Variants in RBFOX1 observed in about 807,000 individuals in gnomAD.
The protein encoded by RBFOX1 is RNA binding fox-1 homolog 1, also known as RNA binding protein fox-1 homolog 1.
Under a neutral mutation model 57.7 loss-of-function variants are expected in RBFOX1, and 8 were observed. The ratio of observed to expected loss-of-function variants is 0.14; its 90% CI spans 0.08 to 0.25. The LOEUF (loss-of-function observed/expected upper bound fraction) is 0.25, where lower values mean the gene tolerates loss of function less well. Among genes scored for constraint, RBFOX1 ranks in the 10% least tolerant of loss-of-function variants. RBFOX1 has a pLI of 1.00. For missense variants in RBFOX1, 611 were observed against 548.5 expected (o/e 1.11, Z -1.14); for synonymous variants, 326 against 222.4 (o/e 1.47, Z -4.15).
At chr16:5,903,039 C>G (rs1331060069) in intron 4 of RBFOX1, among the ~76,000 whole-genome samples, 2 of 152,080 alleles carry the variant, frequency 1.3e-5, no homozygotes, top group East Asian at 3.9e-4. Context: ...GGTTAGGCTC[C>G]TAGCCTTTTC....
chr16:6,711,022 T>A (rs750408334), intron 3 of RBFOX1, among the ~76,000 whole-genome samples: 31 of 152,174 alleles, frequency 2.0e-4, no homozygotes, highest in Non-Finnish European at 4.1e-4. Context: ...GCAAGTGAAA[T>A]GATACAATCT....
chr16:5,496,215 C>G (rs974019149), intron 2 of RBFOX1, among the ~76,000 whole-genome samples: 1 of 152,182 alleles, frequency 6.6e-6, no homozygotes, highest in Non-Finnish European at 1.5e-5. Flanking sequence ...ACCTCCAATC[C>G]CTTTTCTTGA....
chr16:6,583,948 T>G (rs2097570885), intron 2 of RBFOX1, among the ~76,000 whole-genome samples: 1 of 151,950 alleles, frequency 6.6e-6, no homozygotes, highest in Non-Finnish European at 1.5e-5. Flanking sequence ...CACTCCAGTT[T>G]GGTAGTTGAG....
At chr16:6,565,184 A>G (rs1045514793) in intron 2 of RBFOX1, among the ~76,000 whole-genome samples, 2 of 151,754 alleles carry the variant, frequency 1.3e-5, no homozygotes, top group East Asian at 3.9e-4. Context: ...TGATAACAAA[A>G]TACTACTCAT....
At chr16:6,240,951 CTCACCCTGATGTTTT>C (rs1426574994) in intron 1 of RBFOX1, among the ~76,000 whole-genome samples, 1 of 152,196 alleles carries the variant, frequency 6.6e-6, no homozygotes. Flanking sequence ...TTTCTACCGA[CTCACCCTGATGTTTT>C]TCCCCTTTAC....
At chr16:6,017,931 A>G (rs1596413355), upstream of RBFOX1, among the ~76,000 whole-genome samples, 1 of 152,202 alleles carries the variant, frequency 6.6e-6, no homozygotes, top group Non-Finnish European at 1.5e-5. Context: ...ACAGGATGGG[A>G]AAATGAACAG....
At chr16:5,609,889 A>G (rs562824349) in intron 3 of RBFOX1, among the ~76,000 whole-genome samples, 1 of 152,214 alleles carries the variant, frequency 6.6e-6, no homozygotes, top group South Asian at 2.1e-4. Flanking sequence ...GCGGGGTGGA[A>G]GACAAAACCG....
At chr16:6,891,038 T>C (rs996777940) in intron 3 of RBFOX1, among the ~76,000 whole-genome samples, 3 of 152,182 alleles carry the variant, frequency 2.0e-5, no homozygotes, top group Non-Finnish European at 2.9e-5. Flanking sequence ...GAGTTACGTC[T>C]GATTCCCCTT....
intron 4 of RBFOX1, among the ~76,000 whole-genome samples, chr16:7,439,976 G>A (rs1476161549): frequency 1.4e-5 from 2 of 144,910 alleles, no homozygotes; most frequent in South Asian, 4.4e-4. Flanking sequence ...TTTTGAGACA[G>A]GGTCTCATTC....
intron 4 of RBFOX1, among the ~76,000 whole-genome samples, chr16:5,923,530 C>CTT (rs71404564): frequency 0.016 from 1,756 of 109,360 alleles, 35 homozygotes; most frequent in African/African-American, 0.03. Context: ...CAGAGCCAGG[C>CTT]TTTTTTTTTT....
chr16:6,960,574 C>T (rs1384790425), intron 3 of RBFOX1, among the ~76,000 whole-genome samples: 1 of 152,088 alleles, frequency 6.6e-6, no homozygotes, highest in African/African-American at 2.4e-5. Context: ...CTGTGCCCTT[C>T]TTACCTCCTT....
At chr16:5,478,841 G>C (rs1450557844) in intron 2 of RBFOX1, among the ~76,000 whole-genome samples, 1 of 152,098 alleles carries the variant, frequency 6.6e-6, no homozygotes, top group African/African-American at 2.4e-5. Context: ...CCTCCCATGG[G>C]CTGCTATATT....
In RBFOX1 at chr16:7,387,627, C is replaced by T. The variant is rs191594021; in HGVS notation, c.28-130520C>T. ...ATGTATGGTCAAGCATTGCAAAAGCCGCTGTGTGTTTGGAAGAAAGGTGAA... is the reference window on the plus strand; with the variant it reads ...ATGTATGGTCAAGCATTGCAAAAGCTGCTGTGTGTTTGGAAGAAAGGTGAA... On this transcript the variant is annotated intron_variant, in intron 4 of 15. Transcript: ENST00000550418. Among the ~76,000 whole-genome samples the T allele has an allele frequency of 3.9e-5, 6 of 152,178 alleles. No individual in the cohort carries two copies. In the East Asian group the frequency reaches 5.8e-4, roughly 15 times the overall value.
chr16:5,546,255 C>A (rs1351500433), intron 2 of RBFOX1, among the ~76,000 whole-genome samples: 1 of 152,126 alleles, frequency 6.6e-6, no homozygotes, highest in Non-Finnish European at 1.5e-5. Flanking sequence ...AATTGATCTA[C>A]AGAGTCAATG....
chr16:7,101,242 C>T (rs987905229), intron 4 of RBFOX1, among the ~76,000 whole-genome samples: 4 of 152,140 alleles, frequency 2.6e-5, no homozygotes, highest in African/African-American at 4.8e-5. Flanking sequence ...ACCAGCGTGG[C>T]ATAGAGAGAA....
intron 1 of RBFOX1, among the ~76,000 whole-genome samples, chr16:6,288,216 A>G (rs1243948449): frequency 7.2e-6 from 1 of 139,164 alleles, no homozygotes; most frequent in African/African-American, 2.7e-5. Flanking sequence ...GTGGTCAACA[A>G]TGCTTATCAG....
At chr16:5,257,745 G>T (rs530404478) in intron 1 of RBFOX1, among the ~76,000 whole-genome samples, 10 of 152,070 alleles carry the variant, frequency 6.6e-5, no homozygotes, top group African/African-American at 2.2e-4. Flanking sequence ...CCTCCCCCAC[G>T]CTTCCCTCCC....
chr16:5,601,912 C>G (rs746603228), downstream of RBFOX1, among the ~76,000 whole-genome samples: 2 of 152,210 alleles, frequency 1.3e-5, no homozygotes, highest in Non-Finnish European at 2.9e-5. Flanking sequence ...CAGGTATTTC[C>G]TGGCCCCCAA....
chr16:6,177,672 G>T (rs935490379), intron 1 of RBFOX1, among the ~76,000 whole-genome samples: 6 of 152,128 alleles, frequency 3.9e-5, no homozygotes, highest in African/African-American at 1.4e-4. Flanking sequence ...GGAAGGACTT[G>T]ACAGGTGCCC....
Sources: gnomAD v4.1 joint callset for allele counts (sites outside exome capture counted in the v4.1 genomes callset) on GRCh38, gnomAD v4.1.1 for gene constraint, MANE v1.5 for transcripts, NCBI Gene and HGNC (gene_info 2026-07-23, HGNC 2026-07-21) for gene names.